TNFRSF10B: variants seen among roughly 807,000 people sequenced by gnomAD.
The protein encoded by TNFRSF10B is TNF receptor superfamily member 10b.
A neutral mutation model predicts 41.4 loss-of-function variants in TNFRSF10B; 35 were observed. That is an observed-to-expected ratio of 0.85 (90% CI 0.65 to 1.12). TNFRSF10B has a LOEUF of 1.12. Ranked by LOEUF, TNFRSF10B falls within the 50% of genes most tolerant of loss-of-function variation. The probability of loss-of-function intolerance (pLI) is 0.00; values close to 1 mark genes in which losing one functional copy is unlikely to be tolerated. For missense variants in TNFRSF10B, 584 were observed against 552.7 expected (o/e 1.06, Z -0.57); for synonymous variants, 230 against 215.5 (o/e 1.07, Z -0.59).
chr8:23,062,614 TC>T (rs1170269497), intron 1 of TNFRSF10B, among the ~76,000 whole-genome samples: 2 of 152,270 alleles, frequency 1.3e-5, no homozygotes, highest in South Asian at 4.1e-4. Flanking sequence ...TTTTTCTAAT[TC>T]CTACATTTGT....
chr8:23,064,937 A>T (rs1812939077), intron 1 of TNFRSF10B, among the ~76,000 whole-genome samples: 1 of 152,206 alleles, frequency 6.6e-6, no homozygotes, highest in Non-Finnish European at 1.5e-5. Context: ...ATCCTGGCCA[A>T]ACTACCATGA....
At chr8:23,023,563 A>G (rs1387286439) in intron 8 of TNFRSF10B, among the ~76,000 whole-genome samples, 2 of 152,164 alleles carry the variant, frequency 1.3e-5, no homozygotes, top group African/African-American at 2.4e-5. Flanking sequence ...GGATTAAATG[A>G]GACGTGTGTG....
chr8:23,024,552 A>G (rs1379272949), intron 7 of TNFRSF10B, among the ~76,000 whole-genome samples: 1 of 150,856 alleles, frequency 6.6e-6, no homozygotes, highest in Non-Finnish European at 1.5e-5. Flanking sequence ...ACAGAGTCTC[A>G]CTCCGTCTCC....
At chr8:23,060,313 T>C (rs1173884175) in intron 1 of TNFRSF10B, among the ~76,000 whole-genome samples, 2 of 152,248 alleles carry the variant, frequency 1.3e-5, no homozygotes, top group Non-Finnish European at 2.9e-5. Context: ...AGCTATTTTT[T>C]AAATACAATG....
intron 1 of TNFRSF10B, among the ~76,000 whole-genome samples, chr8:23,055,417 G>A (rs1025820140): frequency 6.6e-6 from 1 of 151,286 alleles, no homozygotes; most frequent in African/African-American, 2.4e-5. Context: ...GAAATCATGC[G>A]CAAATTGACA....
chr8:23,020,634 C>T lies in TNFRSF10B; in HGVS notation c.*2037G>A, dbSNP rs575900596. ...TTGAACCCAGGAGGCGGAGGTTGCA[C>T]TGAGCCAAGATCGTACCGTTGCACT... On this transcript the variant is annotated 3_prime_UTR_variant, in exon 9 of 9. Transcript: ENST00000276431. 6 of 453,404 alleles carry T rather than the reference C, an allele frequency of 1.3e-5. No individual in the cohort carries two copies. The highest frequency in any genetic ancestry group is 4.0e-5 in the African/African-American group (2 of 49,950). The allele number at this position is 453,404 out of a possible 1,614,324, so 28.1% of individuals were successfully genotyped here. A position where few individuals can be genotyped will look rare whatever the true frequency, so the allele number is the denominator to read the frequency against.
intron 2 of TNFRSF10B, among the ~76,000 whole-genome samples, chr8:23,035,521 G>A (rs11775176): frequency 0.4 from 60,467 of 152,002 alleles, 13,814 homozygotes; most frequent in Non-Finnish European, 0.5. Context: ...TATACTGATT[G>A]AACCTCACGA....
chr8:23,024,537 TC>T (rs1251969210), intron 7 of TNFRSF10B, among the ~76,000 whole-genome samples: 2 of 149,736 alleles, frequency 1.3e-5, no homozygotes, highest in South Asian at 4.2e-4. Flanking sequence ...TTTTTTTTTT[TC>T]GAGACAGAGT....
chr8:23,024,036 GAC>G, intron 8 of TNFRSF10B, 150 bp downstream of exon 8: 1 of 903,738 alleles, frequency 1.1e-6, no homozygotes, highest in Non-Finnish European at 1.8e-6. Context: ...GATGGGAGAA[GAC>G]AGTTTAGGGT....
At chr8:23,038,327 C>T (rs1812078751) in intron 2 of TNFRSF10B, among the ~76,000 whole-genome samples, 1 of 152,188 alleles carries the variant, frequency 6.6e-6, no homozygotes, top group Non-Finnish European at 1.5e-5. Context: ...GAGCCATGAC[C>T]AGCTGAGGTG....
chr8:23,059,663 C>T (rs576457079), intron 1 of TNFRSF10B, among the ~76,000 whole-genome samples: 47 of 146,146 alleles, frequency 3.2e-4, no homozygotes, highest in East Asian at 2.9e-3. Context: ...CCTGCCACCA[C>T]GCCGGGCTAA....
At chr8:23,068,524 T>G in intron 1 of TNFRSF10B, 1 of 632,716 alleles carries the variant, frequency 1.6e-6, no homozygotes, top group Non-Finnish European at 2.7e-6. Flanking sequence ...GATTCGGGAA[T>G]TTACACCAAG....
intron 2 of TNFRSF10B, among the ~76,000 whole-genome samples, chr8:23,033,620 A>G (rs6557610): frequency 0.12 from 13,140 of 107,636 alleles, 1,024 homozygotes; most frequent in East Asian, 0.2. Context: ...AAAAAAAAAA[A>G]AGAACCCTGG....
Position 23,021,599 on chromosome 8 carries a change from G to T in TNFRSF10B, c.*1072C>A, listed in dbSNP as rs1207603712. On this transcript the variant is annotated 3_prime_UTR_variant, in exon 9 of 9. Transcript: ENST00000276431. Reference sequence around the variant, plus strand: ...TCTGTCCCAGCCTGTCCATAGATGGGGGCTATGGGTGCAAATGAGACTGCC... The same window carrying T: ...TCTGTCCCAGCCTGTCCATAGATGGTGGCTATGGGTGCAAATGAGACTGCC... The T allele has an allele frequency of 4.4e-6, 2 of 454,106 alleles. No individual in the cohort carries two copies. Among genetic ancestry groups the T allele is most frequent in the Non-Finnish European group, 8.8e-6 (2 of 226,788 alleles). The allele number at this position is 454,106 out of a possible 1,614,324, so 28.1% of individuals were successfully genotyped here. A position where few individuals can be genotyped will look rare whatever the true frequency, so the allele number is the denominator to read the frequency against.
At chr8:23,028,252 G>C in intron 5 of TNFRSF10B, 79 bp downstream of exon 5, 1 of 1,599,068 alleles carries the variant, frequency 6.3e-7, no homozygotes. Context: ...GCAGGGGCAG[G>C]CGTTTCTGTC....
chr8:23,023,958 A>G (rs1265507221), intron 8 of TNFRSF10B, among the ~76,000 whole-genome samples: 1 of 152,102 alleles, frequency 6.6e-6, no homozygotes, highest in African/African-American at 2.4e-5. Flanking sequence ...AGAGAGGATG[A>G]GGGGACGGAC....
intron 1 of TNFRSF10B, among the ~76,000 whole-genome samples, chr8:23,044,446 A>C (rs1024176434): frequency 6.6e-6 from 1 of 152,208 alleles, no homozygotes; most frequent in Non-Finnish European, 1.5e-5. Flanking sequence ...TCTAAAATAT[A>C]TAAAAAACTC....
At chr8:23,025,414 A>T (rs914124642) in intron 7 of TNFRSF10B, among the ~76,000 whole-genome samples, 4 of 150,050 alleles carry the variant, frequency 2.7e-5, no homozygotes, top group Non-Finnish European at 6.0e-5. Flanking sequence ...TCTAGTGACT[A>T]TGTGGGCGGG....
chr8:23,034,679 T>A (rs1469997062), intron 2 of TNFRSF10B, among the ~76,000 whole-genome samples: 1 of 152,204 alleles, frequency 6.6e-6, no homozygotes, highest in Non-Finnish European at 1.5e-5. Context: ...TGTGCTATGA[T>A]TGTGCCACTG....
Sources: gnomAD v4.1 joint callset for allele counts (sites outside exome capture counted in the v4.1 genomes callset) on GRCh38, gnomAD v4.1.1 for gene constraint, MANE v1.5 for transcripts, NCBI Gene and HGNC (gene_info 2026-07-23, HGNC 2026-07-21) for gene names.